Variants in DPY19L3 observed in about 807,000 individuals in gnomAD.
DPY19L3 encodes the protein dpy-19 like C-mannosyltransferase 3.
Under a neutral mutation model 92.3 loss-of-function variants are expected in DPY19L3, and 51 were observed. The observed-to-expected ratio is 0.55, with a 90% CI of 0.44 to 0.70. The LOEUF is 0.70. Among genes scored for constraint, DPY19L3 ranks in the 30% least tolerant of loss-of-function variants. The probability of loss-of-function intolerance (pLI) is 0.00; values close to 1 mark genes in which losing one functional copy is unlikely to be tolerated. For synonymous variants in DPY19L3, 309 were observed against 315.2 expected, an observed-to-expected ratio of 0.98 and a Z score of 0.21; for missense variants, 706 against 855.9, an observed-to-expected ratio of 0.82 and a Z score of 2.18.
intron 17 of DPY19L3, among the ~76,000 whole-genome samples, chr19:32,480,149 A>T (rs1323344641): frequency 2.0e-5 from 3 of 152,186 alleles, no homozygotes; most frequent in Non-Finnish European, 2.9e-5. Context: ...GACTTGAAGT[A>T]ATACATTCTG....
At chr19:32,474,065 A>C (rs1364582403) in intron 16 of DPY19L3, among the ~76,000 whole-genome samples, 1 of 152,082 alleles carries the variant, frequency 6.6e-6, no homozygotes, top group Non-Finnish European at 1.5e-5. Flanking sequence ...AGCCTCCCAA[A>C]GTGTTGAGAT....
At chr19:32,477,791 T>C (rs1599680664) in intron 17 of DPY19L3, 137 bp downstream of exon 17, 4 of 1,231,138 alleles carry the variant, frequency 3.2e-6, no homozygotes, top group Non-Finnish European at 4.4e-6. Context: ...GTTTTCACGC[T>C]ACTGATAAAG....
In DPY19L3 at chr19:32,453,226, T is replaced by A; in HGVS notation, c.937T>A (p.Ser313Thr). ...GTTTTTTAATTCCATGATTCTTGGA[T>A]CACTGCTTATCAGTTTTAACCTTTC... Reference protein sequence around the residue: ...LQFFNSMILGSLLISFNLSVF... With the variant: ...LQFFNSMILGTLLISFNLSVF... The change falls in exon 9 of 19, where the codon TCA becomes ACA. Residue 313 changes from serine to threonine, a missense_variant. Coordinates refer to ENST00000392250, the MANE Select transcript of DPY19L3 (RefSeq NM_001172774.2). The A allele has an allele frequency of 6.2e-7, 1 of 1,614,042 alleles. No homozygotes were observed. Among genetic ancestry groups the A allele is most frequent in the Non-Finnish European group, 8.5e-7 (1 of 1,179,968 alleles).
intron 3 of DPY19L3, among the ~76,000 whole-genome samples, chr19:32,423,115 A>T (rs1760273670): frequency 6.6e-6 from 1 of 152,220 alleles, no homozygotes; most frequent in Non-Finnish European, 1.5e-5. Flanking sequence ...TGACAGAAAG[A>T]TGCTCAGTGG....
At chr19:32,413,955 C>A (rs531242363) in intron 3 of DPY19L3, among the ~76,000 whole-genome samples, 7 of 152,204 alleles carry the variant, frequency 4.6e-5, no homozygotes, top group African/African-American at 1.7e-4. Flanking sequence ...AACTCCTGGA[C>A]TCAAGCAATC....
intron 16 of DPY19L3, among the ~76,000 whole-genome samples, chr19:32,471,206 C>T (rs1010528361): frequency 3.3e-5 from 5 of 152,192 alleles, no homozygotes; most frequent in African/African-American, 9.6e-5. Context: ...GAAAAGGCTG[C>T]GGCCTAAGGA....
At chr19:32,452,310 C>CA (rs1969727009) in intron 8 of DPY19L3, among the ~76,000 whole-genome samples, 3 of 152,196 alleles carry the variant, frequency 2.0e-5, no homozygotes, top group African/African-American at 7.2e-5. Flanking sequence ...GCCCAGTGTA[C>CA]TGTGCTGCCT....
At chr19:32,427,868 C>T (rs1215633372) in intron 3 of DPY19L3, 1 of 151,988 alleles carries the variant, frequency 6.6e-6, no homozygotes, top group Non-Finnish European at 1.5e-5. Context: ...GATTTGTTAA[C>T]CTAATTCTGA....
chr19:32,461,687 A>G (rs1970044720), intron 12 of DPY19L3, among the ~76,000 whole-genome samples: 1 of 150,942 alleles, frequency 6.6e-6, no homozygotes, highest in Non-Finnish European at 1.5e-5. Context: ...TCTGGGAAAT[A>G]AAAAAAGTCT....
chr19:32,424,357 G>A (rs757205592), intron 3 of DPY19L3, among the ~76,000 whole-genome samples: 7 of 151,544 alleles, frequency 4.6e-5, no homozygotes, highest in African/African-American at 1.7e-4. Flanking sequence ...AAAATGGATG[G>A]GAGTATCCTG....
chr19:32,413,708 G>A (rs1003728577), intron 3 of DPY19L3, among the ~76,000 whole-genome samples: 4 of 150,532 alleles, frequency 2.7e-5, no homozygotes, highest in Non-Finnish European at 5.9e-5. Context: ...AATTTTACTC[G>A]TTTATATATC....
chr19:32,445,604 A>G (rs991264866), intron 8 of DPY19L3, among the ~76,000 whole-genome samples: 1 of 152,170 alleles, frequency 6.6e-6, no homozygotes, highest in Non-Finnish European at 1.5e-5. Flanking sequence ...AACAGAAAGG[A>G]AATGATAAGG....
At position 32,463,991 on chromosome 19, in the gene DPY19L3, T is replaced by C. The variant is rs775474698; in HGVS notation, c.1557+11T>C. On this transcript the variant is annotated intron_variant, in intron 14 of 18. Coordinates refer to ENST00000392250, the MANE Select transcript of DPY19L3 (RefSeq NM_001172774.2). ...TATAACCCAAAGAGGGTCAGTGTCA[T>C]CCCTTTTTCCATCTCCTTTTATGAC... 4.5e-6 allele frequency: 7 copies of C among 1,567,626 alleles called. No homozygotes were observed. In the South Asian group the frequency reaches 4.6e-5, roughly 10 times the overall value.
At chr19:32,466,612 T>A (rs1219768580) in intron 15 of DPY19L3, among the ~76,000 whole-genome samples, 1 of 152,182 alleles carries the variant, frequency 6.6e-6, no homozygotes. Context: ...TGTCTCCCCT[T>A]ACTCATCTTG....
At position 32,482,097 on chromosome 19, in the gene DPY19L3, G is replaced by A; in HGVS notation, c.2008G>A (p.Glu670Lys). The A allele has an allele frequency of 6.2e-7, 1 of 1,613,630 alleles. No individual in the cohort carries two copies. Among genetic ancestry groups the A allele is most frequent in the Non-Finnish European group, 8.5e-7 (1 of 1,179,786 alleles). ...ANGHMMDGPGENDPDLKPADH... is the reference protein window; with the variant it reads ...ANGHMMDGPGKNDPDLKPADH... ...GTTTTAGATGATGGATGGCCCAGGAGAGAATGATCCTGATTTGAAACCTGC... is the reference window on the plus strand; with the variant it reads ...GTTTTAGATGATGGATGGCCCAGGAAAGAATGATCCTGATTTGAAACCTGC... The change falls in exon 19 of 19, where the codon GAG becomes AAG. Residue 670 changes from glutamate to lysine, a missense_variant. Transcript: ENST00000392250.
chr19:32,414,446 T>G (rs547238516), intron 3 of DPY19L3, among the ~76,000 whole-genome samples: 17 of 149,042 alleles, frequency 1.1e-4, no homozygotes, highest in Admixed American at 4.0e-4. Context: ...CAAAAGAAAT[T>G]AGCCAGGCAT....
At chr19:32,462,461 C>G (rs1257372881) in intron 12 of DPY19L3, among the ~76,000 whole-genome samples, 1 of 152,174 alleles carries the variant, frequency 6.6e-6, no homozygotes, top group Non-Finnish European at 1.5e-5. Flanking sequence ...GAAAGTGAAT[C>G]CACCGATAAG....
chr19:32,420,769 T>C (rs1968543189), intron 3 of DPY19L3, among the ~76,000 whole-genome samples: 1 of 152,168 alleles, frequency 6.6e-6, no homozygotes, highest in Non-Finnish European at 1.5e-5. Flanking sequence ...ATAAATTGTA[T>C]AGTAGACATC....
chr19:32,461,444 G>A (rs1970037634), intron 12 of DPY19L3, among the ~76,000 whole-genome samples: 1 of 152,238 alleles, frequency 6.6e-6, no homozygotes, highest in South Asian at 2.1e-4. Context: ...ATCTAGAGAG[G>A]ATAAGAGCAG....
Sources: gnomAD v4.1 joint callset for allele counts (sites outside exome capture counted in the v4.1 genomes callset) on GRCh38, gnomAD v4.1.1 for gene constraint, MANE v1.5 for transcripts, NCBI Gene and HGNC (gene_info 2026-07-23, HGNC 2026-07-21) for gene names.